PLIN3: variants seen among roughly 807,000 people sequenced by gnomAD.
PLIN3 encodes perilipin 3.
A neutral mutation model predicts 35.9 loss-of-function variants in PLIN3; 30 were observed. That is an observed-to-expected ratio of 0.84 (90% CI 0.62 to 1.13). The LOEUF (loss-of-function observed/expected upper bound fraction) is 1.13, where lower values mean the gene tolerates loss of function less well. PLIN3 is among the 50% of genes most tolerant of loss of function. PLIN3 has a pLI of 0.00. For missense variants in PLIN3, 603 were observed against 596.9 expected (o/e 1.01, Z -0.11); for synonymous variants, 261 against 262.5 (o/e 0.99, Z 0.06).
intron 4 of PLIN3, among the ~76,000 whole-genome samples, chr19:4,855,249 G>GAAAAAAAAAAAAAAAAAAAAAAA (rs377681525): frequency 2.7e-5 from 1 of 36,412 alleles, no homozygotes. Flanking sequence ...GACTCCATCT[G>GAAAAAAAAAAAAAAAAAAAAAAA]AAAAAAAAAA....
intron 7 of PLIN3, among the ~76,000 whole-genome samples, chr19:4,842,202 G>A (rs1305040363): frequency 6.6e-6 from 1 of 151,826 alleles, no homozygotes; most frequent in Non-Finnish European, 1.5e-5. Context: ...CAAGACGGGT[G>A]GATAACTTGA....
chr19:4,843,490 A>G (rs1444812479), intron 7 of PLIN3, among the ~76,000 whole-genome samples: 1 of 133,206 alleles, frequency 7.5e-6, no homozygotes, highest in Admixed American at 7.9e-5. Context: ...CCTGGGTGAC[A>G]GAGCGAGACT....
At position 4,849,122 on chromosome 19, in the gene PLIN3, G is replaced by A. The variant is rs370284605; in HGVS notation, c.635-1232C>T. Among the ~76,000 whole-genome samples, 35 of 151,668 alleles carry A rather than the reference G, an allele frequency of 2.3e-4. No homozygotes were observed. The South Asian group carries it at 6.5e-3, about 28-fold the overall frequency. ...TGGGACTACATAAAGCTGGGACTACGGCAAGACACCTGGCTAATTTTTGTA... is the reference window on the plus strand; with the variant it reads ...TGGGACTACATAAAGCTGGGACTACAGCAAGACACCTGGCTAATTTTTGTA... On this transcript the variant is annotated intron_variant, in intron 5 of 7. Transcript: ENST00000221957.
In PLIN3 at chr19:4,861,421, GAGGAACAGTC is replaced by G. The variant is rs1197741263; in HGVS notation, c.-17-20_-17-11del. ...GTCTCTGCAGCAGACGCTGAGGAGAGAGGAACAGTCAGGTACAGCCTGCCTGGCCCCACCT... is the reference window on the plus strand; with the variant it reads ...GTCTCTGCAGCAGACGCTGAGGAGAGAGGTACAGCCTGCCTGGCCCCACCT... On this transcript the variant is annotated splice_polypyrimidine_tract_variant and intron_variant, in intron 1 of 7. Transcript: ENST00000221957. 2.5e-6 allele frequency: 4 copies of G among 1,600,778 alleles called. No individual in the cohort carries two copies. The highest frequency in any genetic ancestry group is 3.4e-6 in the Non-Finnish European group (4 of 1,172,110).
Position 4,852,218 on chromosome 19 carries a change from G to T in PLIN3, c.432C>A (p.Ala144=). 6.2e-7 allele frequency: 1 copy of T among 1,611,730 alleles called. No homozygotes were observed. Among genetic ancestry groups the T allele is most frequent in the Non-Finnish European group, 8.5e-7 (1 of 1,179,992 alleles). The change falls in exon 5 of 8, where the codon GCC becomes GCA. Residue 144 remains alanine (A), a synonymous_variant. Coordinates refer to ENST00000221957, the MANE Select transcript of PLIN3 (RefSeq NM_005817.5). ...CGTCCACCGCCTCCGACAATTGGGT[G>T]GCCACCGTGTCCTTGGCGCTAGACA... is the stretch of plus-strand genomic sequence containing the variant. ...EMVSSAKDTV[A]TQLSEAVDAT... is the part of the protein sequence containing the mutation.
At chr19:4,866,260 C>T (rs972225865) in intron 1 of PLIN3, among the ~76,000 whole-genome samples, 3 of 152,072 alleles carry the variant, frequency 2.0e-5, no homozygotes, top group African/African-American at 7.2e-5. Context: ...TCAAATGATC[C>T]GCCCACCTCA....
intron 4 of PLIN3, among the ~76,000 whole-genome samples, chr19:4,855,934 A>AC (rs995597684): frequency 1.0e-5 from 1 of 99,832 alleles, no homozygotes; most frequent in Non-Finnish European, 2.1e-5. Context: ...CAAAAAAAAA[A>AC]AAAAAATGCA....
At chr19:4,844,829 TCC>T in intron 6 of PLIN3, 36 bp from the exon 7 acceptor site, 1 of 1,562,138 alleles carries the variant, frequency 6.4e-7, no homozygotes, top group South Asian at 1.2e-5. Flanking sequence ...GGAAGGAGGC[TCC>T]CCTGGGAGAG....
In PLIN3 at chr19:4,846,270, C is replaced by T. The variant is rs139882476; in HGVS notation, c.834+1421G>A. Among the ~76,000 whole-genome samples the T allele has an allele frequency of 5.3e-3, 803 of 150,778 alleles. 4 individuals carry two copies. Among genetic ancestry groups the T allele is most frequent in the Non-Finnish European group, 8.7e-3 (591 of 67,842 alleles). ...GTGCACCTAAGAGGCTGCAGTGAGC[C>T]ATGATCATCCACTCCAGCCTGGGCA... On this transcript the variant is annotated intron_variant, in intron 6 of 7. Transcript: ENST00000221957.
chr19:4,860,722 G>A (rs1289482301), intron 2 of PLIN3, among the ~76,000 whole-genome samples: 1 of 152,056 alleles, frequency 6.6e-6, no homozygotes, highest in African/African-American at 2.4e-5. Context: ...TGTAATCCGA[G>A]CACTTTGGGA....
chr19:4,854,121 C>A (rs1179919192), intron 4 of PLIN3, among the ~76,000 whole-genome samples: 1 of 151,678 alleles, frequency 6.6e-6, no homozygotes, highest in Non-Finnish European at 1.5e-5. Context: ...TTTGTAGAGA[C>A]AAGGACTCTC....
Position 4,861,408 on chromosome 19 carries a change from G to C in PLIN3, c.-14C>G. 1.2e-6 allele frequency: 2 copies of C among 1,609,128 alleles called. No homozygotes were observed. The highest frequency in any genetic ancestry group is 1.7e-6 in the Non-Finnish European group (2 of 1,178,174). Reference sequence around the variant, plus strand: ...GTCGGCAGACATGGTCTCTGCAGCAGACGCTGAGGAGAGAGGAACAGTCAG... The same window carrying C: ...GTCGGCAGACATGGTCTCTGCAGCACACGCTGAGGAGAGAGGAACAGTCAG... On this transcript the variant is annotated 5_prime_UTR_variant, in exon 2 of 8. Transcript: ENST00000221957.
At chr19:4,855,365 T>G (rs1034524690) in intron 4 of PLIN3, among the ~76,000 whole-genome samples, 3 of 151,162 alleles carry the variant, frequency 2.0e-5, no homozygotes, top group Non-Finnish European at 4.4e-5. Flanking sequence ...CCTCCTACGC[T>G]ATCAGTGGGA....
At chr19:4,845,953 G>A (rs1465262582) in intron 6 of PLIN3, among the ~76,000 whole-genome samples, 6 of 125,030 alleles carry the variant, frequency 4.8e-5, no homozygotes, top group Non-Finnish European at 8.4e-5. Context: ...GGCCGGGCGC[G>A]GTGGCTCACG....
intron 7 of PLIN3, among the ~76,000 whole-genome samples, chr19:4,840,280 T>C (rs2029875389): frequency 6.6e-6 from 1 of 151,994 alleles, no homozygotes; most frequent in Admixed American, 6.6e-5. Flanking sequence ...TTCTTTTAAT[T>C]AGAAACAGGA....
Position 4,853,368 on chromosome 19 carries a change from C to T in PLIN3, c.349-1067G>A, listed in dbSNP as rs550326737. Among the ~76,000 whole-genome samples, 12 of 152,006 alleles carry T rather than the reference C, an allele frequency of 7.9e-5. No individual in the cohort carries two copies. The South Asian group carries it at 2.5e-3, about 32-fold the overall frequency. On this transcript the variant is annotated intron_variant, in intron 4 of 7. Transcript: ENST00000221957. ...GAGGCGGAGTTTCACTCTTGTTGCC[C>T]AGGCTAGAGTGCAATGGTGCAATCT... is the stretch of plus-strand genomic sequence containing the variant.
chr19:4,839,900 C>T (rs1477622970), intron 7 of PLIN3, among the ~76,000 whole-genome samples: 3 of 150,612 alleles, frequency 2.0e-5, no homozygotes, highest in Admixed American at 6.6e-5. Flanking sequence ...CTCCTGACCT[C>T]GTGATCCGCC....
chr19:4,852,044 G>T lies in PLIN3; in HGVS notation c.606C>A (p.Asn202Lys), dbSNP rs760375459. The T allele has an allele frequency of 6.2e-7, 1 of 1,613,768 alleles. No homozygotes were observed. ...GTTCGGCATCCGTAAGGGGCAGGTG[G>T]TTGTCCGCCCACTCCTCCGACTTCC... ...VLGKSEEWAD[N>K]HLPLTDAELA... is the part of the protein sequence containing the mutation. The change falls in exon 5 of 8, where the codon AAC becomes AAA. Residue 202 changes from asparagine to lysine, a missense_variant. Coordinates refer to ENST00000221957, the MANE Select transcript of PLIN3 (RefSeq NM_005817.5).
At chr19:4,860,233 G>C (rs2030628754) in intron 2 of PLIN3, among the ~76,000 whole-genome samples, 3 of 152,032 alleles carry the variant, frequency 2.0e-5, no homozygotes, top group Admixed American at 1.3e-4. Context: ...TTGAAACGGA[G>C]TCTTGCACTG....
Sources: allele counts gnomAD v4.1 joint callset (sites outside exome capture counted in the v4.1 genomes callset), GRCh38; gene constraint gnomAD v4.1.1; transcripts MANE v1.5; gene names NCBI Gene and HGNC (gene_info 2026-07-23, HGNC 2026-07-21).